Variants in CDH13 observed in about 807,000 individuals in gnomAD.
CDH13 encodes cadherin 13.
Under a neutral mutation model 63.8 loss-of-function variants are expected in CDH13, and 24 were observed. The observed-to-expected ratio is 0.38, with a 90% CI of 0.27 to 0.53. CDH13 has a LOEUF of 0.53. CDH13 is among the 20% of genes least tolerant of loss of function. CDH13 has a pLI of 0.85. For synonymous variants in CDH13, 503 were observed against 355.3 expected (o/e 1.42, Z -4.67); for missense variants, 1,049 against 903.1 (o/e 1.16, Z -2.07).
chr16:83,175,029 C>G (rs375444641), intron 4 of CDH13, among the ~76,000 whole-genome samples: 1 of 152,034 alleles, frequency 6.6e-6, no homozygotes, highest in East Asian at 1.9e-4. Context: ...GGACACAGAG[C>G]CAAACCATAT....
At chr16:83,610,217 C>T (rs1335511547) in intron 8 of CDH13, among the ~76,000 whole-genome samples, 1 of 152,050 alleles carries the variant, frequency 6.6e-6, no homozygotes, top group Non-Finnish European at 1.5e-5. Context: ...CGTTTTCTCT[C>T]ACATCCTAAA....
At chr16:83,731,905 G>A (rs1334870648) in intron 10 of CDH13, among the ~76,000 whole-genome samples, 1 of 152,234 alleles carries the variant, frequency 6.6e-6, no homozygotes, top group South Asian at 2.1e-4. Flanking sequence ...TGCATGACAG[G>A]TAGCAGGTAG....
intron 1 of CDH13, among the ~76,000 whole-genome samples, chr16:82,682,336 C>T (rs1444372922): frequency 6.6e-6 from 1 of 152,182 alleles, no homozygotes; most frequent in African/African-American, 2.4e-5. Flanking sequence ...TCTGGTTCTT[C>T]TAATGCAGAA....
chr16:82,958,366 A>T (rs955494382), intron 2 of CDH13, among the ~76,000 whole-genome samples: 1 of 152,230 alleles, frequency 6.6e-6, no homozygotes, highest in Non-Finnish European at 1.5e-5. Context: ...CAGCAGAGGC[A>T]GTAGGGGTAA....
intron 5 of CDH13, among the ~76,000 whole-genome samples, chr16:83,301,314 A>C (rs149991584): frequency 3.4e-4 from 51 of 152,208 alleles, no homozygotes; most frequent in African/African-American, 1.1e-3. Context: ...TACAGGCGTG[A>C]GCCACCGCAC....
intron 1 of CDH13, among the ~76,000 whole-genome samples, chr16:82,733,478 C>G (rs541694264): frequency 5.9e-5 from 9 of 152,224 alleles, no homozygotes; most frequent in Admixed American, 2.0e-4. Flanking sequence ...AGAATACTAA[C>G]CAAGGGAAAG....
intron 2 of CDH13, among the ~76,000 whole-genome samples, chr16:82,913,297 G>A (rs528365889): frequency 2.0e-5 from 3 of 152,182 alleles, no homozygotes; most frequent in African/African-American, 7.2e-5. Context: ...TGTTCTGGGA[G>A]ATGTGAGCCG....
intron 10 of CDH13, among the ~76,000 whole-genome samples, chr16:83,701,423 T>A (rs1208126688): frequency 1.3e-5 from 2 of 152,214 alleles, no homozygotes; most frequent in Non-Finnish European, 2.9e-5. Context: ...CGGTGCACTC[T>A]GTGTGCCAGT....
intron 5 of CDH13, among the ~76,000 whole-genome samples, chr16:83,311,948 C>A (rs1316460404): frequency 6.6e-6 from 1 of 151,882 alleles, no homozygotes; most frequent in Admixed American, 6.6e-5. Flanking sequence ...GTGGTGCATG[C>A]CTGTAATCCC....
chr16:83,423,151 C>T (rs958464323), intron 6 of CDH13, among the ~76,000 whole-genome samples: 3 of 152,110 alleles, frequency 2.0e-5, no homozygotes, highest in Non-Finnish European at 4.4e-5. Flanking sequence ...TAGAAATAAC[C>T]AGGGTCCCAC....
chr16:82,972,940 CTT>C (rs1908979626), intron 2 of CDH13, among the ~76,000 whole-genome samples: 1 of 152,136 alleles, frequency 6.6e-6, no homozygotes, highest in Admixed American at 6.6e-5. Context: ...AGAATCACCA[CTT>C]TATTTTTTTA....
At chr16:83,770,049 A>T (rs1884629833) in intron 11 of CDH13, among the ~76,000 whole-genome samples, 1 of 152,146 alleles carries the variant, frequency 6.6e-6, no homozygotes, top group South Asian at 2.1e-4. Flanking sequence ...AATTCCCGTC[A>T]ACCCTGTGGG....
chr16:82,698,869 G>A (rs77684808), intron 1 of CDH13, among the ~76,000 whole-genome samples: 14,670 of 152,096 alleles, frequency 0.096, 824 homozygotes, highest in South Asian at 0.26. Flanking sequence ...TTGGGGCCAC[G>A]TACAGGCCCT....
intron 3 of CDH13, among the ~76,000 whole-genome samples, chr16:83,111,098 G>C (rs1472487335): frequency 1.3e-5 from 2 of 151,806 alleles, no homozygotes; most frequent in Non-Finnish European, 2.9e-5. Context: ...CGTGAACCCG[G>C]GAGGCGGAGC....
At chr16:83,786,871 A>T (rs1219604291) in intron 13 of CDH13, among the ~76,000 whole-genome samples, 1 of 152,144 alleles carries the variant, frequency 6.6e-6, no homozygotes, top group Non-Finnish European at 1.5e-5. Flanking sequence ...TACAGGTGTG[A>T]GCCACCACAC....
At chr16:83,550,659 C>T (rs2075473734) in intron 7 of CDH13, among the ~76,000 whole-genome samples, 1 of 152,150 alleles carries the variant, frequency 6.6e-6, no homozygotes, top group Non-Finnish European at 1.5e-5. Flanking sequence ...CAAAGTTTTC[C>T]TTGTGAAACC....
chr16:82,686,086 C>T (rs1428643173), intron 1 of CDH13, among the ~76,000 whole-genome samples: 1 of 152,210 alleles, frequency 6.6e-6, no homozygotes, highest in East Asian at 1.9e-4. Flanking sequence ...CTTAGCTCCA[C>T]TTCCACACCC....
chr16:83,742,636 T>G (rs927187275), intron 10 of CDH13, among the ~76,000 whole-genome samples: 7 of 152,190 alleles, frequency 4.6e-5, no homozygotes, highest in Non-Finnish European at 1.0e-4. Flanking sequence ...TCAAAAAGCC[T>G]GATTGGACAA....
At chr16:83,555,214 AG>A (rs2075579254) in intron 7 of CDH13, among the ~76,000 whole-genome samples, 1 of 152,188 alleles carries the variant, frequency 6.6e-6, no homozygotes, top group African/African-American at 2.4e-5. Flanking sequence ...ATGTTTATGG[AG>A]ACCATGGTTT....
Sources: gnomAD v4.1 joint callset for allele counts (sites outside exome capture counted in the v4.1 genomes callset) on GRCh38, gnomAD v4.1.1 for gene constraint, MANE v1.5 for transcripts, NCBI Gene and HGNC (gene_info 2026-07-23, HGNC 2026-07-21) for gene names.